The following SEPTIN7 variants were observed in gnomAD, a reference collection of about 807,000 sequenced individuals.
The protein encoded by SEPTIN7 is septin 7, also known as septin-7.
Under a neutral mutation model 63.3 loss-of-function variants are expected in SEPTIN7, and 10 were observed. That is an observed-to-expected ratio of 0.16 (90% CI 0.10 to 0.27). The LOEUF is 0.27. SEPTIN7 is among the 10% of genes least tolerant of loss of function. The pLI, the probability that SEPTIN7 is intolerant of heterozygous loss-of-function variation, is 1.00. For synonymous variants in SEPTIN7, 131 were observed against 165.3 expected (o/e 0.79, Z 1.59); for missense variants, 310 against 521.0 (o/e 0.59, Z 3.94).
At chr7:35,875,044 C>CA (rs1159563522) in intron 6 of SEPTIN7, among the ~76,000 whole-genome samples, 1 of 152,086 alleles carries the variant, frequency 6.6e-6, no homozygotes, top group Non-Finnish European at 1.5e-5. Flanking sequence ...AGCTTATAAC[C>CA]AATTTTATTA....
chr7:35,888,835 A>AC (rs1373751435), intron 10 of SEPTIN7: 19 of 391,540 alleles, frequency 4.9e-5, no homozygotes, highest in Admixed American at 6.3e-5. Flanking sequence ...AAAAAAAAAA[A>AC]AAAAAAAAAA....
At chr7:35,858,623 G>A (rs1454993208) in intron 3 of SEPTIN7, among the ~76,000 whole-genome samples, 2 of 151,752 alleles carry the variant, frequency 1.3e-5, no homozygotes, top group Non-Finnish European at 2.9e-5. Flanking sequence ...CAAAGTGCTG[G>A]GATTACAGGC....
intron 3 of SEPTIN7, among the ~76,000 whole-genome samples, chr7:35,858,892 C>G (rs1355125980): frequency 6.6e-6 from 1 of 151,516 alleles, no homozygotes; most frequent in Non-Finnish European, 1.5e-5. Flanking sequence ...GTTGGTCAGG[C>G]TGGTCTTGAA....
intron 4 of SEPTIN7, among the ~76,000 whole-genome samples, chr7:35,869,532 T>G (rs1786021288): frequency 6.6e-6 from 1 of 152,190 alleles, no homozygotes; most frequent in Non-Finnish European, 1.5e-5. Context: ...GACAGAAAAT[T>G]TTAACCCTCT....
At chr7:35,890,623 C>T (rs780684467) in intron 10 of SEPTIN7, 45 bp from the exon 11 acceptor site, 3 of 1,371,616 alleles carry the variant, frequency 2.2e-6, no homozygotes, top group Admixed American at 2.9e-5. Flanking sequence ...CTTTTTTCCC[C>T]CTAGCTATTA....
rs552937181 is a variant in SEPTIN7, at chr7:35,905,695, T to C, written c.*1402T>C. The C allele has an allele frequency of 8.5e-5, 13 of 152,226 alleles. No individual in the cohort carries two copies. The highest frequency in any genetic ancestry group is 2.9e-4 in the African/African-American group (12 of 41,526). 9.4% of individuals were successfully genotyped at this position (152,226 alleles called of 1,614,324 possible). Reference sequence around the variant, plus strand: ...CCACCACGCCTGGCTAATTTTTGTATTTTTTGCAGCCTCCCAAAGTTCTGG... The same window carrying C: ...CCACCACGCCTGGCTAATTTTTGTACTTTTTGCAGCCTCCCAAAGTTCTGG... On this transcript the variant is annotated 3_prime_UTR_variant, in exon 14 of 14. Transcript: ENST00000350320.
At chr7:35,812,524 A>T (rs949274606) in intron 1 of SEPTIN7, among the ~76,000 whole-genome samples, 17 of 152,110 alleles carry the variant, frequency 1.1e-4, no homozygotes, top group African/African-American at 3.9e-4. Context: ...TGTCAAGGGA[A>T]TGGGGGTTTT....
intron 1 of SEPTIN7, among the ~76,000 whole-genome samples, chr7:35,818,895 T>G (rs1789246973): frequency 6.6e-6 from 1 of 151,998 alleles, no homozygotes; most frequent in Non-Finnish European, 1.5e-5. Context: ...TTTTGTCAAT[T>G]TTGTTGATCT....
chr7:35,855,130 C>T (rs1785142534), intron 3 of SEPTIN7, among the ~76,000 whole-genome samples: 1 of 151,916 alleles, frequency 6.6e-6, no homozygotes, highest in Non-Finnish European at 1.5e-5. Flanking sequence ...ATTCCTACGT[C>T]AATTTTTTTT....
In SEPTIN7 at chr7:35,904,994, C is replaced by T. The variant is rs184946664; in HGVS notation, c.*701C>T. The T allele has an allele frequency of 6.6e-6, 1 of 152,612 alleles. No individual in the cohort carries two copies. Among genetic ancestry groups the T allele is most frequent in the Admixed American group, 6.5e-5 (1 of 15,292 alleles). 9.5% of individuals were successfully genotyped at this position (152,612 alleles called of 1,614,324 possible). A position where few individuals can be genotyped will look rare whatever the true frequency, so the allele number is the denominator to read the frequency against. ...AGATATTTTCCATATATTGGCACTG[C>T]TAAAATAGAATATAGCATCTTTCAT... On this transcript the variant is annotated 3_prime_UTR_variant, in exon 14 of 14. Coordinates refer to ENST00000350320, the MANE Select transcript of SEPTIN7 (RefSeq NM_001788.6).
chr7:35,887,547 G>T (rs770016684), intron 10 of SEPTIN7, among the ~76,000 whole-genome samples: 1 of 152,096 alleles, frequency 6.6e-6, no homozygotes, highest in Non-Finnish European at 1.5e-5. Context: ...GGGTTTCACC[G>T]TGTTGGCCAG....
chr7:35,804,470 C>G (rs573214853), intron 1 of SEPTIN7, among the ~76,000 whole-genome samples: 2 of 152,200 alleles, frequency 1.3e-5, no homozygotes, highest in Non-Finnish European at 2.9e-5. Flanking sequence ...TTGTGACTTA[C>G]ACTTGGTGCA....
At position 35,843,307 on chromosome 7, in the gene SEPTIN7, A is replaced by G. The variant is rs377598003; in HGVS notation, c.169+10407A>G. Among the ~76,000 whole-genome samples the G allele has an allele frequency of 8.5e-5, 13 of 152,224 alleles. No homozygotes were observed. In the South Asian group the frequency reaches 1.7e-3, roughly 19 times the overall value. ...TCTCATGTGGATGCCCCCTCATCCT[A>G]TTTAACTCAGACATCTCATGCTAGT... is the stretch of plus-strand genomic sequence containing the variant. On this transcript the variant is annotated intron_variant, in intron 3 of 13. Coordinates refer to ENST00000350320, the MANE Select transcript of SEPTIN7 (RefSeq NM_001788.6).
intron 13 of SEPTIN7, among the ~76,000 whole-genome samples, chr7:35,903,629 T>G (rs1231802170): frequency 6.6e-6 from 1 of 152,242 alleles, no homozygotes; most frequent in African/African-American, 2.4e-5. Flanking sequence ...ACGATAAAAT[T>G]CTTAAGACAA....
intron 2 of SEPTIN7, chr7:35,832,013 G>A (rs1783857653): frequency 9.3e-6 from 4 of 428,410 alleles, no homozygotes; most frequent in African/African-American, 4.2e-5. Flanking sequence ...TCTTAACTAC[G>A]GACAGCATTT....
intron 1 of SEPTIN7, among the ~76,000 whole-genome samples, chr7:35,813,176 A>C (rs939933629): frequency 1.3e-5 from 2 of 152,188 alleles, no homozygotes; most frequent in African/African-American, 4.8e-5. Flanking sequence ...AAGGCTCAGA[A>C]AGGTTATGTA....
At chr7:35,886,620 C>G (rs866212581) in intron 10 of SEPTIN7, among the ~76,000 whole-genome samples, 1 of 152,214 alleles carries the variant, frequency 6.6e-6, no homozygotes, top group Admixed American at 6.5e-5. Context: ...TCCCACTTTT[C>G]TCTCTTGCTT....
intron 1 of SEPTIN7, among the ~76,000 whole-genome samples, chr7:35,825,973 TA>T (rs1207471484): frequency 6.6e-6 from 1 of 152,140 alleles, no homozygotes; most frequent in Admixed American, 6.5e-5. Context: ...GGGGGCATGC[TA>T]AATAGGTTAT....
chr7:35,852,453 A>C (rs1300353588), intron 3 of SEPTIN7, among the ~76,000 whole-genome samples: 1 of 152,190 alleles, frequency 6.6e-6, no homozygotes, highest in African/African-American at 2.4e-5. Flanking sequence ...TGTGATACTT[A>C]AGGAAACACA....
Sources: allele counts gnomAD v4.1 joint callset (sites outside exome capture counted in the v4.1 genomes callset), GRCh38; gene constraint gnomAD v4.1.1; transcripts MANE v1.5; gene names NCBI Gene and HGNC (gene_info 2026-07-23, HGNC 2026-07-21).